Variants in ARHGAP6 observed in about 807,000 individuals in gnomAD.
ARHGAP6 encodes the protein Rho GTPase activating protein 6, also known as rho GTPase-activating protein 6.
Under a neutral mutation model 55.7 loss-of-function variants are expected in ARHGAP6, and 16 were observed. The ratio of observed to expected loss-of-function variants is 0.29; its 90% CI spans 0.19 to 0.44. The LOEUF is 0.44. Among genes scored for constraint, ARHGAP6 ranks in the 20% least tolerant of loss-of-function variants. The probability of loss-of-function intolerance (pLI) is 1.00; values close to 1 mark genes in which losing one functional copy is unlikely to be tolerated. For missense variants in ARHGAP6, 698 were observed against 808.9 expected (o/e 0.86, Z 1.66); for synonymous variants, 382 against 360.9 (o/e 1.06, Z -0.66).
At chrX:11,398,348 A>G (rs915993527) in intron 1 of ARHGAP6, among the ~76,000 whole-genome samples, 1 of 109,730 alleles carries the variant, frequency 9.1e-6, no homozygotes, top group Non-Finnish European at 1.9e-5. Flanking sequence ...TTACTCATCT[A>G]TATATAATAT....
intron 1 of ARHGAP6, among the ~76,000 whole-genome samples, chrX:11,660,407 C>G (rs1253613592): frequency 1.9e-5 from 2 of 107,448 alleles, no homozygotes; most frequent in African/African-American, 6.8e-5. Flanking sequence ...CTGGTGCATG[C>G]CTGTAGTCGC....
At chrX:11,461,085 G>A (rs966488332) in intron 1 of ARHGAP6, among the ~76,000 whole-genome samples, 1 of 111,985 alleles carries the variant, frequency 8.9e-6, no homozygotes, top group African/African-American at 3.2e-5. Context: ...CTTAGACAGA[G>A]CTGGAGGGTC....
chrX:11,514,698 G>T (rs1378981270), intron 1 of ARHGAP6, among the ~76,000 whole-genome samples: 2 of 111,046 alleles, frequency 1.8e-5, no homozygotes, highest in African/African-American at 3.3e-5. Context: ...TTGAATAATT[G>T]GAAACTTAAA....
chrX:11,350,657 A>G (rs1164930215), intron 1 of ARHGAP6, among the ~76,000 whole-genome samples: 1 of 112,425 alleles, frequency 8.9e-6, no homozygotes, highest in Non-Finnish European at 1.9e-5. Flanking sequence ...CCCAAACAGA[A>G]TGAATTTGAC....
At chrX:11,618,073 GAA>G (rs1186659404) in intron 1 of ARHGAP6, among the ~76,000 whole-genome samples, 2 of 111,686 alleles carry the variant, frequency 1.8e-5, no homozygotes, top group Non-Finnish European at 3.8e-5. Flanking sequence ...TTGTCAGAGA[GAA>G]AATAGAAGAA....
chrX:11,440,028 C>T (rs1258139197), intron 1 of ARHGAP6, among the ~76,000 whole-genome samples: 1 of 112,528 alleles, frequency 8.9e-6, no homozygotes, highest in Admixed American at 9.4e-5. Context: ...TAATTGGTTT[C>T]CCTCCAAAGT....
chrX:11,357,489 T>A (rs1407074965), intron 1 of ARHGAP6, among the ~76,000 whole-genome samples: 4 of 111,691 alleles, frequency 3.6e-5, no homozygotes, highest in Admixed American at 9.5e-5. Context: ...GAAACTTACA[T>A]CCTACACTCT....
intron 1 of ARHGAP6, among the ~76,000 whole-genome samples, chrX:11,660,962 C>T (rs1306387348): frequency 9.0e-6 from 1 of 111,720 alleles, no homozygotes; most frequent in African/African-American, 3.3e-5. Context: ...AGTTAACTCA[C>T]CTGTCCCCTC....
At chrX:11,402,882 G>C (rs2049567263) in intron 1 of ARHGAP6, among the ~76,000 whole-genome samples, 1 of 111,507 alleles carries the variant, frequency 9.0e-6, no homozygotes, top group Non-Finnish European at 1.9e-5. Context: ...TGTAACTCCA[G>C]ATGAAGATAC....
At chrX:11,568,885 A>G (rs1171165256) in intron 1 of ARHGAP6, among the ~76,000 whole-genome samples, 1 of 112,120 alleles carries the variant, frequency 8.9e-6, no homozygotes, top group Non-Finnish European at 1.9e-5. Context: ...CTCTTTCCTT[A>G]CATACAGAAG....
At chrX:11,550,567 T>C (rs954944020) in intron 1 of ARHGAP6, among the ~76,000 whole-genome samples, 4 of 111,908 alleles carry the variant, frequency 3.6e-5, no homozygotes, top group African/African-American at 1.3e-4. Flanking sequence ...CAACCAAGGC[T>C]GAGAACTACT....
At chrX:11,495,809 C>T (rs1431820172) in intron 1 of ARHGAP6, among the ~76,000 whole-genome samples, 1 of 112,500 alleles carries the variant, frequency 8.9e-6, no homozygotes, top group East Asian at 2.8e-4. Context: ...GGTGATGGGA[C>T]GTCATTGCCA....
At chrX:11,559,355 G>C (rs1601643964) in intron 1 of ARHGAP6, among the ~76,000 whole-genome samples, 1 of 110,969 alleles carries the variant, frequency 9.0e-6, no homozygotes, top group Admixed American at 9.6e-5. Flanking sequence ...GTTCTTCCTT[G>C]TTTGTCCAAT....
intron 1 of ARHGAP6, among the ~76,000 whole-genome samples, chrX:11,274,928 C>T (rs764291410): frequency 7.8e-4 from 87 of 111,362 alleles, no homozygotes; most frequent in East Asian, 2.0e-3. Flanking sequence ...TTTTCTTTTA[C>T]GCACATAATG....
chrX:11,447,576 T>C (rs1206773058), intron 1 of ARHGAP6, among the ~76,000 whole-genome samples: 4 of 112,573 alleles, frequency 3.6e-5, no homozygotes, highest in Non-Finnish European at 5.6e-5. Context: ...GATTGTCTAG[T>C]CTGCAAAGCT....
At chrX:11,232,386 TG>T (rs1329505563) in intron 2 of ARHGAP6, among the ~76,000 whole-genome samples, 1 of 110,959 alleles carries the variant, frequency 9.0e-6, no homozygotes, top group African/African-American at 3.3e-5. Flanking sequence ...TTTGGGAGGC[TG>T]AGGCCGGCAG....
intron 1 of ARHGAP6, among the ~76,000 whole-genome samples, chrX:11,615,312 G>A (rs761381619): frequency 9.0e-6 from 1 of 111,705 alleles, no homozygotes; most frequent in East Asian, 2.8e-4. Flanking sequence ...TTCCATTAAT[G>A]TCTATGCCTT....
At chrX:11,427,714 C>T (rs2049898345) in intron 1 of ARHGAP6, 9 of 796,594 alleles carry the variant, frequency 1.1e-5, no homozygotes, top group Non-Finnish European at 1.2e-5. Context: ...CTGCTCCGTG[C>T]GTGCCGAGTG....
At chrX:11,304,088 A>T (rs2048205547) in intron 1 of ARHGAP6, among the ~76,000 whole-genome samples, 1 of 109,055 alleles carries the variant, frequency 9.2e-6, no homozygotes, top group Non-Finnish European at 1.9e-5. Flanking sequence ...GAAGTACATC[A>T]CGTTTGTCTT....
Sources: allele counts gnomAD v4.1 joint callset (sites outside exome capture counted in the v4.1 genomes callset), GRCh38; gene constraint gnomAD v4.1.1; transcripts MANE v1.5; gene names NCBI Gene and HGNC (gene_info 2026-07-23, HGNC 2026-07-21).